Variants in CSGALNACT1 observed in about 807,000 individuals in gnomAD.
The protein encoded by CSGALNACT1 is chondroitin sulfate N-acetylgalactosaminyltransferase 1, also known as beta4GalNAcT-1.
In CSGALNACT1, 52 loss-of-function variants were observed where a neutral mutation model predicts 51.0. The ratio of observed to expected loss-of-function variants is 1.02; its 90% CI spans 0.82 to 1.29. The LOEUF is 1.29. Among genes scored for constraint, CSGALNACT1 ranks in the 50% most tolerant of loss-of-function variants. The pLI, the probability that CSGALNACT1 is intolerant of heterozygous loss-of-function variation, is 0.00. For missense variants in CSGALNACT1, 935 were observed against 679.2 expected (o/e 1.38, Z -4.19); for synonymous variants, 341 against 254.4 (o/e 1.34, Z -3.24).
chr8:19,522,377 A>G (rs2080903878), intron 3 of CSGALNACT1, among the ~76,000 whole-genome samples: 1 of 152,226 alleles, frequency 6.6e-6, no homozygotes, highest in South Asian at 2.1e-4. Flanking sequence ...TTAAATCAAA[A>G]TAACTCACGT....
intron 1 of CSGALNACT1, among the ~76,000 whole-genome samples, chr8:19,695,029 ACTC>A (rs934248968): frequency 7.9e-5 from 12 of 151,920 alleles, no homozygotes; most frequent in African/African-American, 2.9e-4. Context: ...TCTACAGCTC[ACTC>A]CTCCTCTGCT....
At chr8:19,461,977 T>G (rs188742413) in intron 4 of CSGALNACT1, among the ~76,000 whole-genome samples, 68 of 152,114 alleles carry the variant, frequency 4.5e-4, no homozygotes, top group African/African-American at 1.6e-3. Context: ...ATGGACAGGA[T>G]AGCTGCACAG....
chr8:19,442,849 A>T (rs919518851), intron 5 of CSGALNACT1, among the ~76,000 whole-genome samples: 9 of 152,150 alleles, frequency 5.9e-5, no homozygotes, highest in African/African-American at 2.2e-4. Flanking sequence ...TGAATGAGCA[A>T]AGGTCAACAG....
At chr8:19,687,183 G>C (rs574128680), upstream of CSGALNACT1, among the ~76,000 whole-genome samples, 3 of 152,084 alleles carry the variant, frequency 2.0e-5, no homozygotes, top group Admixed American at 6.6e-5. Flanking sequence ...TCAATACATC[G>C]AGACCTCAAA....
chr8:19,733,175 T>C (rs1244960253), intron 1 of CSGALNACT1, among the ~76,000 whole-genome samples: 2 of 152,222 alleles, frequency 1.3e-5, no homozygotes, highest in Non-Finnish European at 2.9e-5. Context: ...TCTGTTTCTT[T>C]TGTTTTACAT....
chr8:19,697,232 A>G (rs2061631133), intron 1 of CSGALNACT1, among the ~76,000 whole-genome samples: 1 of 152,114 alleles, frequency 6.6e-6, no homozygotes, highest in Admixed American at 6.5e-5. Flanking sequence ...AATGGTAGTG[A>G]AGACACATCA....
chr8:19,516,992 G>C (rs967558799), intron 3 of CSGALNACT1, among the ~76,000 whole-genome samples: 1 of 152,252 alleles, frequency 6.6e-6, no homozygotes, highest in African/African-American at 2.4e-5. Context: ...CCCACCTGGA[G>C]AGGTGGTTGG....
At chr8:19,618,467 C>G (rs917907625) in intron 1 of CSGALNACT1, among the ~76,000 whole-genome samples, 5 of 151,482 alleles carry the variant, frequency 3.3e-5, no homozygotes, top group Non-Finnish European at 7.4e-5. Flanking sequence ...ATGGTGAAGT[C>G]ACAACTCTAC....
At chr8:19,529,797 C>T (rs1435981091) in intron 3 of CSGALNACT1, among the ~76,000 whole-genome samples, 1 of 152,182 alleles carries the variant, frequency 6.6e-6, no homozygotes, top group African/African-American at 2.4e-5. Flanking sequence ...ATAACCTAAG[C>T]ACATCCTCCT....
At chr8:19,703,921 A>AGTAC (rs1287712165) in intron 1 of CSGALNACT1, among the ~76,000 whole-genome samples, 1 of 152,194 alleles carries the variant, frequency 6.6e-6, no homozygotes, top group Non-Finnish European at 1.5e-5. Flanking sequence ...CCTCTTACAT[A>AGTAC]GTACGGGTGC....
intron 4 of CSGALNACT1, among the ~76,000 whole-genome samples, chr8:19,498,994 T>C (rs1436671259): frequency 6.6e-6 from 1 of 152,134 alleles, no homozygotes; most frequent in Admixed American, 6.5e-5. Context: ...TACACACCTG[T>C]AGCCCAGCTG....
chr8:19,634,849 G>T (rs1181632584), intron 1 of CSGALNACT1, among the ~76,000 whole-genome samples: 3 of 152,128 alleles, frequency 2.0e-5, no homozygotes, highest in South Asian at 2.1e-4. Flanking sequence ...TAACCACTCG[G>T]CCTATGGTAT....
At chr8:19,648,420 C>A (rs2057471955) in intron 1 of CSGALNACT1, among the ~76,000 whole-genome samples, 1 of 152,186 alleles carries the variant, frequency 6.6e-6, no homozygotes, top group African/African-American at 2.4e-5. Flanking sequence ...ACACTTTGAC[C>A]ATTTCTACAT....
chr8:19,723,673 TG>T lies in CSGALNACT1; in HGVS notation c.-297+34176del, dbSNP rs1432631744. Among the ~76,000 whole-genome samples, 8 of 152,218 alleles carry T rather than the reference TG, an allele frequency of 5.3e-5. No individual in the cohort carries two copies. The East Asian group carries it at 1.5e-3, about 29-fold the overall frequency. On this transcript the variant is annotated intron_variant, in intron 1 of 1. Coordinates refer to the CSGALNACT1 transcript ENST00000517494. ...ATGGCTAGTTCCTCCCACACTAGGA[TG>T]TACTTTTTGGAAAAAGTGCCTCCTT...
At chr8:19,650,668 A>G (rs1466875777) in intron 1 of CSGALNACT1, among the ~76,000 whole-genome samples, 2 of 152,234 alleles carry the variant, frequency 1.3e-5, no homozygotes, top group Non-Finnish European at 2.9e-5. Flanking sequence ...GAGACCAGCC[A>G]TAGCAGACAG....
chr8:19,679,202 C>A (rs1235157284), intron 1 of CSGALNACT1, among the ~76,000 whole-genome samples: 2 of 152,192 alleles, frequency 1.3e-5, no homozygotes, highest in Admixed American at 1.3e-4. Context: ...CCTCTTATCC[C>A]AGCACTTTGG....
At chr8:19,640,899 G>C (rs2056660758) in intron 1 of CSGALNACT1, among the ~76,000 whole-genome samples, 1 of 151,234 alleles carries the variant, frequency 6.6e-6, no homozygotes, top group South Asian at 2.1e-4. Context: ...TTTCCTTTCA[G>C]ATTATCCAAA....
chr8:19,467,967 C>T (rs1028932538), intron 4 of CSGALNACT1, among the ~76,000 whole-genome samples: 4 of 152,212 alleles, frequency 2.6e-5, no homozygotes, highest in Admixed American at 1.3e-4. Context: ...GCCTCAGCAA[C>T]AGAGTGAAAC....
At position 19,717,565 on chromosome 8, in the gene CSGALNACT1, A is replaced by T. The variant is rs1392560329; in HGVS notation, c.-297+40285T>A. On this transcript the variant is annotated intron_variant, in intron 1 of 1. Transcript: ENST00000517494. The stretch of plus-strand genomic sequence containing the variant: ...CAGAACCATAACGAATGGTCCCACC[A>T]CTCCAGAAATTCCCTCATGCTGCCC... Among the ~76,000 whole-genome samples, 7 of 152,228 alleles carry T rather than the reference A, an allele frequency of 4.6e-5. No homozygotes were observed. The South Asian group carries it at 1.5e-3, about 32-fold the overall frequency.
Sources: allele counts gnomAD v4.1 joint callset (sites outside exome capture counted in the v4.1 genomes callset), GRCh38; gene constraint gnomAD v4.1.1; transcripts MANE v1.5; gene names NCBI Gene and HGNC (gene_info 2026-07-23, HGNC 2026-07-21).